The following RAD9B variants were observed in gnomAD, a reference collection of about 807,000 sequenced individuals.
The protein encoded by RAD9B is RAD9 checkpoint clamp component B.
In RAD9B, 41 loss-of-function variants were observed where a neutral mutation model predicts 48.3. The observed-to-expected ratio is 0.85, with a 90% CI of 0.66 to 1.10. The LOEUF is 1.10. Ranked by LOEUF, RAD9B falls within the 50% of genes least tolerant of loss-of-function variation. The pLI, the probability that RAD9B is intolerant of heterozygous loss-of-function variation, is 0.00. For synonymous variants in RAD9B, 160 were observed against 157.9 expected (o/e 1.01, Z -0.10); for missense variants, 444 against 485.1 (o/e 0.92, Z 0.80).
rs1427794945 is a variant in RAD9B, at chr12:110,502,390, C to A, written c.46+7C>A. The A allele has an allele frequency of 1.9e-6, 3 of 1,613,370 alleles. No homozygotes were observed. Among genetic ancestry groups the A allele is most frequent in the Middle Eastern group, 3.3e-4 (2 of 6,084 alleles). ...AGCGGCAGTCAGGTGAAAGGTGGAG[C>A]GGCCTTTGTTGTCTTCCCATTTAGC... On this transcript the variant is annotated splice_region_variant and intron_variant, in intron 1 of 10. Transcript: ENST00000409300.
intron 10 of RAD9B, among the ~76,000 whole-genome samples, chr12:110,525,214 C>T (rs950418107): frequency 1.3e-5 from 2 of 152,094 alleles, no homozygotes; most frequent in African/African-American, 4.8e-5. Flanking sequence ...TGGTCTCGAT[C>T]TCCCGACCTC....
chr12:110,521,614 T>C (rs2063789023), intron 9 of RAD9B, among the ~76,000 whole-genome samples: 1 of 150,154 alleles, frequency 6.7e-6, no homozygotes, highest in Non-Finnish European at 1.5e-5. Context: ...TGGAGTGCAG[T>C]GGCGCCATCT....
At chr12:110,504,143 T>G (rs560918113) in intron 2 of RAD9B, among the ~76,000 whole-genome samples, 4 of 151,998 alleles carry the variant, frequency 2.6e-5, no homozygotes, top group Non-Finnish European at 5.9e-5. Flanking sequence ...GCACTGTTTT[T>G]TTTTTTTTTT....
chr12:110,514,952 T>C, intron 5 of RAD9B, 98 bp from the exon 6 acceptor site: 1 of 706,594 alleles, frequency 1.4e-6, no homozygotes, highest in Non-Finnish European at 2.2e-6. Context: ...GCCAAGTAAT[T>C]ATTTATTTCC....
intron 4 of RAD9B, 94 bp downstream of exon 4, chr12:110,506,787 T>C: frequency 1.5e-6 from 1 of 681,086 alleles, no homozygotes; most frequent in South Asian, 1.7e-5. Context: ...GATTTCTCGT[T>C]ACATTATTGC....
At chr12:110,527,692 A>G (rs1412156988) in intron 10 of RAD9B, among the ~76,000 whole-genome samples, 1 of 152,238 alleles carries the variant, frequency 6.6e-6, no homozygotes, top group Non-Finnish European at 1.5e-5. Context: ...GGTATCACGT[A>G]TCGGGACTAG....
chr12:110,520,252 G>A (rs2063734537), intron 9 of RAD9B, among the ~76,000 whole-genome samples: 2 of 152,144 alleles, frequency 1.3e-5, no homozygotes, highest in South Asian at 4.1e-4. Flanking sequence ...CCATTGCCCA[G>A]GCTTGAGTGC....
intron 3 of RAD9B, 47 bp downstream of exon 3, chr12:110,505,819 A>G: frequency 1.4e-6 from 2 of 1,468,308 alleles, no homozygotes; most frequent in South Asian, 1.2e-5. Context: ...AGAAATATTC[A>G]TTATATAGGA....
chr12:110,502,446 C>G (rs2063107872), intron 1 of RAD9B, 63 bp downstream of exon 1: 1 of 1,569,984 alleles, frequency 6.4e-7, no homozygotes, highest in Non-Finnish European at 8.7e-7. Context: ...ATAGGTCGTC[C>G]CTACCATTGT....
At chr12:110,507,465 TAA>T (rs1491127389) in intron 4 of RAD9B, among the ~76,000 whole-genome samples, 4 of 134,604 alleles carry the variant, frequency 3.0e-5, no homozygotes, top group Non-Finnish European at 4.6e-5. Flanking sequence ...GTATTAAGTA[TAA>T]TATATATGTA....
intron 2 of RAD9B, among the ~76,000 whole-genome samples, chr12:110,505,112 A>G (rs530337086): frequency 1.3e-5 from 2 of 152,312 alleles, no homozygotes; most frequent in South Asian, 4.1e-4. Context: ...TATTCAATAT[A>G]ATATACATAT....
At position 110,528,141 on chromosome 12, in the gene RAD9B, G is replaced by A. The variant is rs955381015; in HGVS notation, c.1126-2384G>A. On this transcript the variant is annotated intron_variant, in intron 10 of 10. Transcript: ENST00000409300. ...TGGGAGGGCTGACAGACTGAATGTT[G>A]ACTGGATGACTTTAGCTGAAAGTGT... Among the ~76,000 whole-genome samples, 5 of 152,150 alleles carry A rather than the reference G, an allele frequency of 3.3e-5. No individual in the cohort carries two copies. In the East Asian group the frequency reaches 5.8e-4, roughly 18 times the overall value.
rs1001853515 is a variant in RAD9B at position 110,512,799 on chromosome 12, A to G, written c.409A>G (p.Ile137Val). The G allele has an allele frequency of 7.0e-7, 1 of 1,430,172 alleles. No individual in the cohort carries two copies. Among genetic ancestry groups the G allele is most frequent in the Admixed American group, 2.0e-5 (1 of 50,244 alleles). 88.6% of individuals were successfully genotyped at this position (1,430,172 alleles called of 1,614,324 possible). A position where few individuals can be genotyped will look rare whatever the true frequency, so the allele number is the denominator to read the frequency against. The change falls in exon 5 of 11, where the codon ATA (isoleucine) becomes GTA (valine). Residue 137 changes from isoleucine to valine, a missense_variant. By Grantham distance (29) the Ile-to-Val change is conservative. Coordinates refer to ENST00000409300, the MANE Select transcript of RAD9B (RefSeq NM_001286535.2). ...YRHGIKRTHNICFQESQPLQV... is the reference protein window; with the variant it reads ...YRHGIKRTHNVCFQESQPLQV... The stretch of plus-strand genomic sequence containing the variant: ...TTAAGGTATTAAAAGAACTCATAAT[A>G]TATGTTTTCAAGAAAGTCAGCCTTT...
In RAD9B at chr12:110,517,573, G is replaced by A. The variant is rs561723679; in HGVS notation, c.596-1103G>A. Among the ~76,000 whole-genome samples, 6 of 151,594 alleles carry A rather than the reference G, an allele frequency of 4.0e-5. No individual in the cohort carries two copies. In the South Asian group the frequency reaches 6.3e-4, roughly 16 times the overall value. ...TGGCAGGTGGACCTTGCACTGAGTC[G>A]AGATCACACCACTGGACTCCAGCTT... On this transcript the variant is annotated intron_variant, in intron 6 of 10. Transcript: ENST00000409300.
intron 1 of RAD9B, 96 bp downstream of exon 1, chr12:110,502,479 T>C: frequency 7.0e-7 from 1 of 1,436,042 alleles, no homozygotes; most frequent in Non-Finnish European, 9.6e-7. Context: ...CTTTGCCTTT[T>C]TGCGCAATGA....
intron 10 of RAD9B, among the ~76,000 whole-genome samples, chr12:110,523,916 T>C (rs569563025): frequency 6.6e-6 from 1 of 152,340 alleles, no homozygotes; most frequent in Non-Finnish European, 1.5e-5. Flanking sequence ...AATTACATTA[T>C]GGGTAAATGA....
chr12:110,521,745 ACGAGGTTT>A (rs2063792717), intron 9 of RAD9B, among the ~76,000 whole-genome samples: 2 of 151,746 alleles, frequency 1.3e-5, no homozygotes, highest in Non-Finnish European at 1.5e-5. Context: ...TTTAGTAGAG[ACGAGGTTT>A]CACCATCTTG....
chr12:110,512,996 C>T lies in RAD9B; in HGVS notation c.488+118C>T, dbSNP rs113559268. ...TTTTTTTTTTTTTTATATGGAGTCT[C>T]GCTGTGTCGCCCAGGCTGGAGTGCA... On this transcript the variant is annotated intron_variant, in intron 5 of 10. Coordinates refer to ENST00000409300, the MANE Select transcript of RAD9B (RefSeq NM_001286535.2). 9.3e-4 allele frequency: 554 copies of T among 595,704 alleles called. 3 individuals are homozygous for T. Among genetic ancestry groups the T allele is most frequent in the African/African-American group, 3.3e-3 (169 of 51,062 alleles). 36.9% of individuals were successfully genotyped at this position (595,704 alleles called of 1,614,324 possible).
intron 4 of RAD9B, among the ~76,000 whole-genome samples, chr12:110,511,161 C>T (rs1388818101): frequency 6.6e-6 from 1 of 152,048 alleles, no homozygotes; most frequent in Non-Finnish European, 1.5e-5. Context: ...TAAGAAACTA[C>T]CTGTATTTTG....
Sources: allele counts gnomAD v4.1 joint callset (sites outside exome capture counted in the v4.1 genomes callset), GRCh38; gene constraint gnomAD v4.1.1; transcripts MANE v1.5; gene names NCBI Gene and HGNC (gene_info 2026-07-23, HGNC 2026-07-21).